Variants in FZD4 observed in about 807,000 individuals in gnomAD.
The protein encoded by FZD4 is frizzled class receptor 4.
FZD4 carries 16 observed loss-of-function variants against 37.3 expected under a neutral mutation model. The ratio of observed to expected loss-of-function variants is 0.43; its 90% CI spans 0.29 to 0.65. The LOEUF is 0.65. Among genes scored for constraint, FZD4 ranks in the 30% least tolerant of loss-of-function variants. The pLI is 0.16. For missense variants in FZD4, 599 were observed against 674.3 expected (o/e 0.89, Z 1.24); for synonymous variants, 246 against 254.8 (o/e 0.97, Z 0.33).
rs766880986 is a variant in FZD4 at position 86,954,996 on chromosome 11, GAGC to G, written c.87_89del (p.Leu31del). 26 of 1,612,198 alleles carry G rather than the reference GAGC, an allele frequency of 1.6e-5. No homozygotes were observed. The highest frequency in any genetic ancestry group is 1.9e-5 in the Non-Finnish European group (23 of 1,179,612). On this transcript the variant is annotated inframe_deletion, in exon 1 of 2. Coordinates refer to ENST00000531380, the MANE Select transcript of FZD4 (RefSeq NM_012193.4). ...CCCCGAAGCCCCGCGCCGGCCCCAG[GAGC>G]AGCAGCAACTGCAGGAGCAACCCCA...
Position 86,952,459 on chromosome 11 carries a change from A to G in FZD4, c.297T>C (p.Cys99=), listed in dbSNP as rs1189131795. 2 of 1,613,456 alleles carry G rather than the reference A, an allele frequency of 1.2e-6. No individual in the cohort carries two copies. Among genetic ancestry groups the G allele is most frequent in the Non-Finnish European group, 1.7e-6 (2 of 1,180,006 alleles). The change falls in exon 2 of 2, where the codon TGT becomes TGC. Residue 99 remains cysteine (C), a synonymous_variant. Transcript: ENST00000531380. ...GCSSQLQFFL[C]SVYVPMCTEK... is the part of the protein sequence containing the mutation. Reference sequence around the variant, plus strand: ...CTGTGCACATTGGCACATAAACAGAACAAAGGAAGAACTGGAAAAGTAACA... The same window carrying G: ...CTGTGCACATTGGCACATAAACAGAGCAAAGGAAGAACTGGAAAAGTAACA...
rs1212432211 is a variant in FZD4 at position 86,951,476 on chromosome 11, G to C, written c.1280C>G (p.Thr427Arg). 6.2e-7 allele frequency: 1 copy of C among 1,614,088 alleles called. No individual in the cohort carries two copies. Among genetic ancestry groups the C allele is most frequent in the East Asian group, 2.2e-5 (1 of 44,882 alleles). ...GACCATCAGTCTTTCTAACTTGTCTGTCTTTGTCCCATCCTTTTGAAGATT... is the reference window on the plus strand; with the variant it reads ...GACCATCAGTCTTTCTAACTTGTCTCTCTTTGTCCCATCCTTTTGAAGATT... ...RSNLQKDGTK[T>R]DKLERLMVKI... The change falls in exon 2 of 2, where the codon ACA (threonine) becomes AGA (arginine). Residue 427 changes from threonine to arginine, a missense_variant. Physicochemically the swap from Thr to Arg is moderately conservative, Grantham distance 71. This residue lies in a region of FZD4 where 203 missense variants were observed against 196.8 expected (regional missense o/e 1.03). Coordinates refer to ENST00000531380, the MANE Select transcript of FZD4 (RefSeq NM_012193.4).
Position 86,954,810 on chromosome 11 carries a change from G to A in FZD4, c.276C>T (p.Ser92=), listed in dbSNP as rs1949322228. The part of the protein sequence containing the change: ...FTPLIQYGCS[S]QLQFFLCSVY... The stretch of plus-strand genomic sequence containing the variant: ...GGGTGGGGGCGCCCACCTGCAGCTG[G>A]CTGGAGCAGCCGTACTGGATGAGCG... The change falls in exon 1 of 2, where the codon AGC becomes AGT. Residue 92 remains serine (S), a synonymous_variant. Coordinates refer to ENST00000531380, the MANE Select transcript of FZD4 (RefSeq NM_012193.4). 1 of 1,608,128 alleles carries A rather than the reference G, an allele frequency of 6.2e-7. No homozygotes were observed.
In FZD4 at chr11:86,950,300, C is replaced by CGTGATTTAAGTGATTG; in HGVS notation, c.*841_*842insCAATCACTTAAATCAC. The CGTGATTTAAGTGATTG allele has an allele frequency of 6.5e-6, 1 of 152,806 alleles. No individual in the cohort carries two copies. The highest frequency in any genetic ancestry group is 2.1e-4 in the South Asian group (1 of 4,832). The allele number at this position is 152,806 out of a possible 1,614,324, so 9.5% of individuals were successfully genotyped here. A position where few individuals can be genotyped will look rare whatever the true frequency, so the allele number is the denominator to read the frequency against. ...AGTCAACTTAGTAAATCTCATTTTC[C>CGTGATTTAAGTGATTG]TCTGAATTAAGTGATTGTCAGAAAG... On this transcript the variant is annotated 3_prime_UTR_variant, in exon 2 of 2. Transcript: ENST00000531380.
rs886048717 is a variant in FZD4, at chr11:86,946,626, G to A, written c.*4516C>T. On this transcript the variant is annotated 3_prime_UTR_variant, in exon 2 of 2. Transcript: ENST00000531380. Reference sequence around the variant, plus strand: ...AACAGAAAGCTCTATGTAGGCTAGAGTGAAATGAAATCTATTATGTGGGGC... The same window carrying A: ...AACAGAAAGCTCTATGTAGGCTAGAATGAAATGAAATCTATTATGTGGGGC... The A allele has an allele frequency of 2.6e-5, 4 of 152,554 alleles. No individual in the cohort carries two copies. The highest frequency in any genetic ancestry group is 5.9e-5 in the Non-Finnish European group (4 of 68,052). The allele number at this position is 152,554 out of a possible 1,614,324, so 9.5% of individuals were successfully genotyped here.
In FZD4 at chr11:86,951,554, A is replaced by C; in HGVS notation, c.1202T>G (p.Ile401Ser). 1 of 1,614,196 alleles carries C rather than the reference A, an allele frequency of 6.2e-7. No individual in the cohort carries two copies. Among genetic ancestry groups the C allele is most frequent in the South Asian group, 1.1e-5 (1 of 91,076 alleles). Reference protein sequence around the residue: ...VVAPLFTYLVIGTLFIAAGLV... With the variant: ...VVAPLFTYLVSGTLFIAAGLV... ...ACCTGCAGCAATGAACAAAGTTCCA[A>C]TGACCAAATAAGTAAAGAGGGGAGC... is the stretch of plus-strand genomic sequence containing the variant. Residue 401 changes from isoleucine to serine, a missense_variant, in exon 2 of 2, where the codon ATT (isoleucine) becomes AGT (serine). Ile to Ser is a moderately radical substitution (Grantham distance 142). Around this residue, in one of 3 missense-constraint regions of FZD4, gnomAD observed 203 missense variants for 196.8 expected, o/e 1.03. Coordinates refer to ENST00000531380, the MANE Select transcript of FZD4 (RefSeq NM_012193.4).
rs1949294928 is a variant in FZD4 at position 86,951,818 on chromosome 11, C to T, written c.938G>A (p.Gly313Glu). ...AIIFLLMYFF[G>E]MASSIWWVIL... is the part of the protein sequence containing the mutation. Reference sequence around the variant, plus strand: ...AACCCACCAAATGGAGCTGGCCATTCCAAAAAAGTACATCAGCAAGAAAAT... The same window carrying T: ...AACCCACCAAATGGAGCTGGCCATTTCAAAAAAGTACATCAGCAAGAAAAT... Residue 313 changes from glycine (G) to glutamate (E), a missense_variant, in exon 2 of 2, where the codon GGA (glycine) becomes GAA (glutamate). Around this residue, in one of 3 missense-constraint regions of FZD4, gnomAD observed 39 missense variants for 81.4 expected, o/e 0.48. Transcript: ENST00000531380. The T allele has an allele frequency of 9.3e-6, 15 of 1,613,770 alleles. No individual in the cohort carries two copies. The highest frequency in any genetic ancestry group is 2.7e-5 in the African/African-American group (2 of 74,908).
Position 86,946,478 on chromosome 11 carries a change from A to G in FZD4, c.*4664T>C, listed in dbSNP as rs713065. 0.57 allele frequency: 86,133 copies of G among 152,044 alleles called. 24,803 individuals are homozygous for G. The highest frequency in any genetic ancestry group is 0.71 in the Middle Eastern group (207 of 292). 9.4% of individuals were successfully genotyped at this position (152,044 alleles called of 1,614,324 possible). Reference sequence around the variant, plus strand: ...AAAAAGGTACATCAGAAACAGAAACATGCTACTATCAGGGCAACTGAGCTT... The same window carrying G: ...AAAAAGGTACATCAGAAACAGAAACGTGCTACTATCAGGGCAACTGAGCTT... On this transcript the variant is annotated 3_prime_UTR_variant, in exon 2 of 2. Transcript: ENST00000531380.
rs962818789 is a variant in FZD4, at chr11:86,955,362, G to T, written c.-277C>A. 9 of 342,468 alleles carry T rather than the reference G, an allele frequency of 2.6e-5. No individual in the cohort carries two copies. The highest frequency in any genetic ancestry group is 4.7e-5 in the Non-Finnish European group (9 of 191,054). The allele number at this position is 342,468 out of a possible 1,614,324, so 21.2% of individuals were successfully genotyped here. A position where few individuals can be genotyped will look rare whatever the true frequency, so the allele number is the denominator to read the frequency against. ...GGCCGCGTCCGTTCGGCGTCTCCGC[G>T]AGGCCAGCCAGCAGCCAGCGCTGCG... is the stretch of plus-strand genomic sequence containing the variant. On this transcript the variant is annotated 5_prime_UTR_variant, in exon 1 of 2. Coordinates refer to ENST00000531380, the MANE Select transcript of FZD4 (RefSeq NM_012193.4).
In FZD4 at chr11:86,951,335, A is replaced by G. The variant is rs745965975; in HGVS notation, c.1421T>C (p.Met474Thr). 6.2e-6 allele frequency: 10 copies of G among 1,613,040 alleles called. No homozygotes were observed. The East Asian group carries it at 2.2e-4, about 36-fold the overall frequency. ...AAAAATTTTCAACATTTCAACAGCC[A>G]TGTTGGAATCATCTGCAGAATACCG... is the stretch of plus-strand genomic sequence containing the variant. The part of the protein sequence containing the change: ...LFRYSADDSN[M>T]AVEMLKIFMS... The change falls in exon 2 of 2, where the codon ATG becomes ACG. Residue 474 changes from methionine to threonine, a missense_variant. By Grantham distance (81) the Met-to-Thr change is moderately conservative (BLOSUM62 -1). Transcript: ENST00000531380.
chr11:86,953,319 T>C (rs140295117), intron 1 of FZD4, among the ~76,000 whole-genome samples: 2 of 152,216 alleles, frequency 1.3e-5, no homozygotes, highest in African/African-American at 4.8e-5. Flanking sequence ...ATACATGTAA[T>C]TAAAAATATA....
Position 86,948,457 on chromosome 11 carries a change from C to T in FZD4, c.*2685G>A, listed in dbSNP as rs532738457. 3 of 152,030 alleles carry T rather than the reference C, an allele frequency of 2.0e-5. 1 individual carries two copies. Among genetic ancestry groups the T allele is most frequent in the South Asian group, 4.2e-4 (2 of 4,816 alleles). 9.4% of individuals were successfully genotyped at this position (152,030 alleles called of 1,614,324 possible). On this transcript the variant is annotated 3_prime_UTR_variant, in exon 2 of 2. Transcript: ENST00000531380. ...TGATTGAAGGTCACTGGTAACTGAC[C>T]CCTCAGCCACAAAGTTCTTTTCCTG...
chr11:86,954,834 C>A lies in FZD4; in HGVS notation c.252G>T (p.Pro84=). 1 of 1,612,224 alleles carries A rather than the reference C, an allele frequency of 6.2e-7. No individual in the cohort carries two copies. The highest frequency in any genetic ancestry group is 8.5e-7 in the Non-Finnish European group (1 of 1,179,444). ...GGCTGGAGCAGCCGTACTGGATGAG[C>A]GGTGTGAAAGTTGTCAGCTGCAGCT... ...DAELQLTTFT[P]LIQYGCSSQL... The change falls in exon 1 of 2, where the codon CCG becomes CCT. Residue 84 remains proline (P), a synonymous_variant. Coordinates refer to ENST00000531380, the MANE Select transcript of FZD4 (RefSeq NM_012193.4).
rs563169065 is a variant in FZD4 at position 86,951,301 on chromosome 11, C to T, written c.1455G>A (p.Leu485=). ...ACATGCCTGAAGTGATGCCCACCAA[C>T]AAAGACATAAAAATTTTCAACATTT... ...AVEMLKIFMS[L]LVGITSGMWI... The change falls in exon 2 of 2, where the codon TTG becomes TTA. Residue 485 remains leucine (L), a synonymous_variant. Transcript: ENST00000531380. 1.2e-6 allele frequency: 2 copies of T among 1,614,156 alleles called. No homozygotes were observed. Among genetic ancestry groups the T allele is most frequent in the Non-Finnish European group, 1.7e-6 (2 of 1,180,028 alleles).
chr11:86,955,189 A>C lies in FZD4; in HGVS notation c.-104T>G. On this transcript the variant is annotated 5_prime_UTR_variant, in exon 1 of 2. Coordinates refer to ENST00000531380, the MANE Select transcript of FZD4 (RefSeq NM_012193.4). ...GCCCGCGCTGCTCCCAGCTCCCGGG[A>C]CGGGAGTGTGATGCGGCGACGAGGG... is the stretch of plus-strand genomic sequence containing the variant. 4 of 928,580 alleles carry C rather than the reference A, an allele frequency of 4.3e-6. No individual in the cohort carries two copies. Among genetic ancestry groups the C allele is most frequent in the Non-Finnish European group, 4.5e-6 (3 of 667,598 alleles). 57.5% of individuals were successfully genotyped at this position (928,580 alleles called of 1,614,324 possible).
Position 86,947,085 on chromosome 11 carries a change from C to A in FZD4, c.*4057G>T. On this transcript the variant is annotated 3_prime_UTR_variant, in exon 2 of 2. Coordinates refer to ENST00000531380, the MANE Select transcript of FZD4 (RefSeq NM_012193.4). ...GGGCGTGGTAGCACGCACCTGTAGTCCCAGCTCCTCAGGAGGCTGTGGCAG... is the reference window on the plus strand; with the variant it reads ...GGGCGTGGTAGCACGCACCTGTAGTACCAGCTCCTCAGGAGGCTGTGGCAG... 6.5e-6 allele frequency: 1 copy of A among 153,460 alleles called. No homozygotes were observed. Among genetic ancestry groups the A allele is most frequent in the Non-Finnish European group, 1.5e-5 (1 of 68,880 alleles). 9.5% of individuals were successfully genotyped at this position (153,460 alleles called of 1,614,324 possible). A position where few individuals can be genotyped will look rare whatever the true frequency, so the allele number is the denominator to read the frequency against.
chr11:86,953,936 T>C (rs1009818407), intron 1 of FZD4, among the ~76,000 whole-genome samples: 10 of 152,210 alleles, frequency 6.6e-5, no homozygotes, highest in Non-Finnish European at 1.2e-4. Flanking sequence ...TTCTGAAGCC[T>C]GGACAACTAA....
chr11:86,948,153 G>A lies in FZD4; in HGVS notation c.*2989C>T, dbSNP rs1351220784. The A allele has an allele frequency of 1.3e-5, 2 of 152,196 alleles. No individual in the cohort carries two copies. Among genetic ancestry groups the A allele is most frequent in the African/African-American group, 2.4e-5 (1 of 41,416 alleles). The allele number at this position is 152,196 out of a possible 1,614,324, so 9.4% of individuals were successfully genotyped here. A position where few individuals can be genotyped will look rare whatever the true frequency, so the allele number is the denominator to read the frequency against. ...CTGACTTGGAAGGAATCCTGGGAAA[G>A]GGATGAGAGATGTGTTAAAAGTAGA... On this transcript the variant is annotated 3_prime_UTR_variant, in exon 2 of 2. Coordinates refer to ENST00000531380, the MANE Select transcript of FZD4 (RefSeq NM_012193.4).
rs577823166 is a variant in FZD4, at chr11:86,953,608, ATTTCT to A, written c.286-1143_286-1139del. On this transcript the variant is annotated intron_variant, in intron 1 of 1. Transcript: ENST00000531380. ...TCAGAAGTTACAGCCAGAACCACAG[ATTTCT>A]TTTCTTTTCTTTTTTTTTTTGATAC... Among the ~76,000 whole-genome samples the A allele has an allele frequency of 4.4e-3, 666 of 151,674 alleles. 5 individuals carry two copies. The highest frequency in any genetic ancestry group is 6.3e-3 in the Non-Finnish European group (430 of 67,850).
Sources: gnomAD v4.1 joint callset for allele counts (sites outside exome capture counted in the v4.1 genomes callset) on GRCh38, gnomAD v4.1.1 for gene constraint, gnomAD v4.1.1 regional missense constraint, MANE v1.5 for transcripts, NCBI Gene and HGNC (gene_info 2026-07-23, HGNC 2026-07-21) for gene names.